The following DCAF15 variants were observed in gnomAD, a reference collection of about 807,000 sequenced individuals.
DCAF15 encodes DDB1 and CUL4 associated factor 15.
Under a neutral mutation model 68.0 loss-of-function variants are expected in DCAF15, and 24 were observed. The observed-to-expected ratio is 0.35, with a 90% confidence interval of 0.26 to 0.50. The LOEUF (loss-of-function observed/expected upper bound fraction) is 0.50, where lower values mean the gene tolerates loss of function less well. Ranked by LOEUF, DCAF15 falls within the 20% of genes least tolerant of loss-of-function variation. DCAF15 has a pLI of 0.98. For missense variants in DCAF15, 627 were observed against 830.6 expected (o/e 0.75, Z 3.01); for synonymous variants, 376 against 341.6 (o/e 1.10, Z -1.11).
rs756705941 is a variant in DCAF15 at position 13,955,921 on chromosome 19, G to A, written c.376G>A (p.Val126Ile). The A allele has an allele frequency of 6.2e-7, 1 of 1,613,730 alleles. No homozygotes were observed. Among genetic ancestry groups the A allele is most frequent in the South Asian group, 1.1e-5 (1 of 91,078 alleles). Residue 126 changes from valine (V) to isoleucine (I), a missense_variant, in exon 4 of 13, where the codon GTT (valine) becomes ATT (isoleucine). Coordinates refer to ENST00000254337, the MANE Select transcript of DCAF15 (RefSeq NM_138353.4). ...TGAACGTGCCTCACAGGTCCGGCAG[G>A]TTCGGCTATTCCAGGACGAGGAGAT... is the stretch of plus-strand genomic sequence containing the variant. ...VHSKLKLVRQVRLFQDEEIYS... is the reference protein window; with the variant it reads ...VHSKLKLVRQIRLFQDEEIYS...
At position 13,954,354 on chromosome 19, in the gene DCAF15, C is replaced by G. The variant is rs1379911790; in HGVS notation, c.147C>G (p.Leu49=). The stretch of plus-strand genomic sequence containing the variant: ...CCCTTCCCCAGATCAGCGGACAGCT[C>G]TCCCCTCGCCTCTTCCGGAAGCTGC... The part of the protein sequence containing the change: ...QLERVKISGQ[L]SPRLFRKLPP... The change falls in exon 2 of 13, where the codon CTC becomes CTG. Residue 49 remains leucine (L), a synonymous_variant. Coordinates refer to ENST00000254337, the MANE Select transcript of DCAF15 (RefSeq NM_138353.4). 1 of 1,613,442 alleles carries G rather than the reference C, an allele frequency of 6.2e-7. No individual in the cohort carries two copies. The highest frequency in any genetic ancestry group is 1.7e-5 in the Admixed American group (1 of 60,020).
chr19:13,953,377 G>A (rs1411848968), intron 1 of DCAF15: 9 of 475,328 alleles, frequency 1.9e-5, no homozygotes, highest in Non-Finnish European at 3.4e-5. Flanking sequence ...GAGGCTGGTA[G>A]CTTTGTAAGG....
intron 3 of DCAF15, 43 bp from the exon 4 acceptor site, chr19:13,955,869 G>A (rs372063043): frequency 1.7e-5 from 27 of 1,603,226 alleles, no homozygotes; most frequent in African/African-American, 8.0e-5. Context: ...GGGGACCTCC[G>A]CAGTTTCCCT....
rs1194131342 is a variant in DCAF15, at chr19:13,956,276, G to A, written c.613+14G>A. ...GAGCCCACCCAGGTGAGGGGGCCGA[G>A]GGGGCGAGGGCCTCTTCCCCCCTCC... On this transcript the variant is annotated intron_variant, in intron 5 of 12. Transcript: ENST00000254337. 6.8e-6 allele frequency: 11 copies of A among 1,612,038 alleles called. No individual in the cohort carries two copies. The highest frequency in any genetic ancestry group is 9.3e-6 in the Non-Finnish European group (11 of 1,179,400).
intron 1 of DCAF15, chr19:13,952,975 C>A: frequency 9.7e-7 from 1 of 1,034,428 alleles, no homozygotes; most frequent in South Asian, 1.5e-5. Flanking sequence ...CCAGGCTTTT[C>A]AAAGCTCTGC....
chr19:13,956,805 C>G (rs1973384558), intron 6 of DCAF15, among the ~76,000 whole-genome samples: 1 of 152,072 alleles, frequency 6.6e-6, no homozygotes, highest in African/African-American at 2.4e-5. Context: ...ACTTTTTTTT[C>G]CACTGGAGTC....
At chr19:13,960,205 CA>C in intron 10 of DCAF15, 81 bp from the exon 11 acceptor site, 1 of 1,568,466 alleles carries the variant, frequency 6.4e-7, no homozygotes, top group Non-Finnish European at 8.7e-7. Context: ...GTTCCAAAGA[CA>C]AAAGGCCCTC....
chr19:13,958,609 G>A (rs868676456), intron 6 of DCAF15, among the ~76,000 whole-genome samples: 4 of 152,154 alleles, frequency 2.6e-5, no homozygotes, highest in South Asian at 2.1e-4. Flanking sequence ...GCAGTGGTCT[G>A]GCTTGTGTCA....
intron 6 of DCAF15, among the ~76,000 whole-genome samples, chr19:13,957,287 G>A (rs912575138): frequency 2.6e-5 from 4 of 152,238 alleles, no homozygotes; most frequent in Non-Finnish European, 5.9e-5. Context: ...CCACCGGCTG[G>A]CAGCAACAGG....
rs113725747 is a variant in DCAF15 at position 13,960,128 on chromosome 19, C to T, written c.1526+59C>T. ...AGGGGGGCCACTGGCAGACACTTCA[C>T]GGTGGGGGTGTGGGGACGTGAGAAG... is the stretch of plus-strand genomic sequence containing the variant. On this transcript the variant is annotated intron_variant, in intron 10 of 12. Transcript: ENST00000254337. 6,322 of 1,599,780 alleles carry T rather than the reference C, an allele frequency of 4.0e-3. 217 individuals carry two copies. The African/African-American group carries it at 0.074, about 19-fold the overall frequency.
In DCAF15 at chr19:13,959,747, G is replaced by A. The variant is rs767209257; in HGVS notation, c.1312-20G>A. On this transcript the variant is annotated intron_variant, in intron 8 of 12. Transcript: ENST00000254337. ...GGGGGCAGTTGGCACCGTCCCCTGC[G>A]CCTACCCACTCACCCGCAGGGCCAG... 14 of 1,613,270 alleles carry A rather than the reference G, an allele frequency of 8.7e-6. No individual in the cohort carries two copies. The highest frequency in any genetic ancestry group is 2.2e-5 in the East Asian group (1 of 44,888).
At position 13,959,026 on chromosome 19, in the gene DCAF15, C is replaced by T. The variant is rs144015323; in HGVS notation, c.785-19C>T. ...GGAGCACCCCAGACTGACACTTCTC[C>T]ACCCCCATCTCTTCTTAGGTGACAG... is the stretch of plus-strand genomic sequence containing the variant. On this transcript the variant is annotated intron_variant, in intron 6 of 12. Transcript: ENST00000254337. 6.4e-7 allele frequency: 1 copy of T among 1,563,312 alleles called. No homozygotes were observed. Among genetic ancestry groups the T allele is most frequent in the African/African-American group, 1.4e-5 (1 of 73,398 alleles).
Position 13,961,102 on chromosome 19 carries a change from G to C in DCAF15, c.*107G>C, listed in dbSNP as rs911686224. 7.4e-7 allele frequency: 1 copy of C among 1,350,572 alleles called. No individual in the cohort carries two copies. Among genetic ancestry groups the C allele is most frequent in the Non-Finnish European group, 1.0e-6 (1 of 961,540 alleles). The allele number at this position is 1,350,572 out of a possible 1,614,324, so 83.7% of individuals were successfully genotyped here. On this transcript the variant is annotated 3_prime_UTR_variant, in exon 13 of 13. Transcript: ENST00000254337. ...CCGGCTGGCCCACCGACTGATGACC[G>C]GCACTAGTGTTAGCCTGCGGAACGG...
At chr19:13,958,029 A>G (rs1320890086) in intron 6 of DCAF15, among the ~76,000 whole-genome samples, 1 of 152,212 alleles carries the variant, frequency 6.6e-6, no homozygotes, top group Non-Finnish European at 1.5e-5. Flanking sequence ...GCCAGGGGCC[A>G]GGGCACTCTG....
At chr19:13,955,835 G>T in intron 3 of DCAF15, 77 bp from the exon 4 acceptor site, 1 of 1,473,648 alleles carries the variant, frequency 6.8e-7, no homozygotes, top group Non-Finnish European at 9.4e-7. Flanking sequence ...CAGCCCTGAT[G>T]AGGGACTGCA....
chr19:13,956,678 C>T (rs1973378341), intron 6 of DCAF15, among the ~76,000 whole-genome samples, 156 bp downstream of exon 6: 1 of 152,252 alleles, frequency 6.6e-6, no homozygotes, highest in African/African-American at 2.4e-5. Context: ...CAAATGTGGC[C>T]ACGCCCACCA....
In DCAF15 at chr19:13,955,901, G is replaced by T. The variant is rs369087143; in HGVS notation, c.367-11G>T. The T allele has an allele frequency of 2.5e-6, 4 of 1,613,190 alleles. No individual in the cohort carries two copies. Among genetic ancestry groups the T allele is most frequent in the African/African-American group, 2.7e-5 (2 of 74,924 alleles). On this transcript the variant is annotated splice_polypyrimidine_tract_variant and intron_variant, in intron 3 of 12. Transcript: ENST00000254337. ...CCCTGACCCGGTGCTGCCCCTGAAC[G>T]TGCCTCACAGGTCCGGCAGGTTCGG...
rs112588453 is a variant in DCAF15 at position 13,961,288 on chromosome 19, G to GC, written c.*296dup. The GC allele has an allele frequency of 0.025, 13,126 of 516,392 alleles. 1,195 individuals are homozygous for GC. The highest frequency in any genetic ancestry group is 0.21 in the African/African-American group (10,758 of 51,972). The allele number at this position is 516,392 out of a possible 1,614,324, so 32.0% of individuals were successfully genotyped here. ...CATGGGCCTGGCCCCTCGTGCATTT[G>GC]CCCTTTTCTCGGCTACAGCTGTGGA... On this transcript the variant is annotated 3_prime_UTR_variant, in exon 13 of 13. Transcript: ENST00000254337.
intron 10 of DCAF15, 106 bp downstream of exon 10, chr19:13,960,175 G>T: frequency 6.4e-7 from 1 of 1,570,484 alleles, no homozygotes; most frequent in Non-Finnish European, 8.7e-7. Flanking sequence ...GCCACAACCT[G>T]GCTGGGCCCC....
Sources: allele counts gnomAD v4.1 joint callset (sites outside exome capture counted in the v4.1 genomes callset), GRCh38; gene constraint gnomAD v4.1.1; transcripts MANE v1.5; gene names NCBI Gene and HGNC (gene_info 2026-07-23, HGNC 2026-07-21).